MAPKAPK5: variants seen among roughly 807,000 people sequenced by gnomAD.
MAPKAPK5 encodes MAP kinase-activated protein kinase 5.
A neutral mutation model predicts 65.1 loss-of-function variants in MAPKAPK5; 30 were observed. That is an observed-to-expected ratio of 0.46 (90% CI 0.34 to 0.63). The LOEUF is 0.63. Among genes scored for constraint, MAPKAPK5 ranks in the 20% least tolerant of loss-of-function variants. MAPKAPK5 has a pLI of 0.01. For synonymous variants in MAPKAPK5, 179 were observed against 204.6 expected (o/e 0.87, Z 1.07); for missense variants, 433 against 581.4 (o/e 0.74, Z 2.63).
chr12:111,843,009 C>T (rs2068774523), intron 1 of MAPKAPK5: 1 of 402,450 alleles, frequency 2.5e-6, no homozygotes, highest in Non-Finnish European at 4.4e-6. Flanking sequence ...TCAGCTGGAA[C>T]AGAGGTGAGT....
At chr12:111,843,081 C>T in intron 1 of MAPKAPK5, 1 of 398,688 alleles carries the variant, frequency 2.5e-6, no homozygotes, top group East Asian at 3.6e-5. Flanking sequence ...ACTACTACTA[C>T]ACGTTTCGAT....
chr12:111,880,962 C>T (rs1420807022), intron 8 of MAPKAPK5, among the ~76,000 whole-genome samples: 2 of 152,138 alleles, frequency 1.3e-5, no homozygotes, highest in Non-Finnish European at 1.5e-5. Context: ...ATTTATGGCA[C>T]CATTCTTTGT....
intron 1 of MAPKAPK5, among the ~76,000 whole-genome samples, chr12:111,845,752 G>A (rs1262013400): frequency 2.0e-5 from 3 of 151,860 alleles, no homozygotes; most frequent in South Asian, 4.2e-4. Flanking sequence ...CGAGACCCCC[G>A]TCTCTACTAA....
Position 111,897,781 on chromosome 12 carries a change from G to A in MAPKAPK5, c.*4720G>A, listed in dbSNP as rs528070238. On this transcript the variant is annotated 3_prime_UTR_variant, in exon 14 of 14. Transcript: ENST00000550735. The stretch of plus-strand genomic sequence containing the variant: ...ATAGGAATAGTGAATAAATTGATCT[G>A]CTCTCATGCTGTTATCTAAGATCTT... 1 of 152,168 alleles carries A rather than the reference G, an allele frequency of 6.6e-6. No individual in the cohort carries two copies. Among genetic ancestry groups the A allele is most frequent in the East Asian group, 1.9e-4 (1 of 5,180 alleles). The allele number at this position is 152,168 out of a possible 1,614,324, so 9.4% of individuals were successfully genotyped here.
chr12:111,899,538 A>G lies in MAPKAPK5; in HGVS notation c.*6477A>G, dbSNP rs2070949000. 1 of 197,500 alleles carries G rather than the reference A, an allele frequency of 5.1e-6. No individual in the cohort carries two copies. Among genetic ancestry groups the G allele is most frequent in the African/African-American group, 2.3e-5 (1 of 43,238 alleles). The allele number at this position is 197,500 out of a possible 1,614,324, so 12.2% of individuals were successfully genotyped here. ...GAGGCTGACAGTCCAGGGAGGAGAT[A>G]GCCCAGTGGAAGGACTGTCCTACTT... On this transcript the variant is annotated 3_prime_UTR_variant, in exon 14 of 14. Coordinates refer to ENST00000550735, the MANE Select transcript of MAPKAPK5 (RefSeq NM_003668.4).
intron 1 of MAPKAPK5, among the ~76,000 whole-genome samples, chr12:111,848,699 C>G (rs56333962): frequency 0.015 from 2,337 of 151,992 alleles, 68 homozygotes; most frequent in African/African-American, 0.053. Flanking sequence ...GCATGAGCCA[C>G]TGTGCTCGGC....
chr12:111,849,554 A>T (rs2069006403), intron 1 of MAPKAPK5, among the ~76,000 whole-genome samples: 1 of 152,112 alleles, frequency 6.6e-6, no homozygotes, highest in African/African-American at 2.4e-5. Flanking sequence ...CAGCCACCGC[A>T]CCTGGCCTAG....
chr12:111,856,580 T>C (rs1200780591), intron 1 of MAPKAPK5, among the ~76,000 whole-genome samples: 1 of 151,984 alleles, frequency 6.6e-6, no homozygotes, highest in African/African-American at 2.4e-5. Flanking sequence ...CTAATTTTTG[T>C]ATTTTTAGTA....
At chr12:111,875,911 A>G (rs75946762) in intron 7 of MAPKAPK5, among the ~76,000 whole-genome samples, 14 of 152,064 alleles carry the variant, frequency 9.2e-5, no homozygotes, top group African/African-American at 2.4e-4. Flanking sequence ...TGATGGGTTC[A>G]AAAAAAGTGA....
In MAPKAPK5 at chr12:111,899,986, A is replaced by G. The variant is rs777431392; in HGVS notation, c.*6925A>G. 7 of 456,030 alleles carry G rather than the reference A, an allele frequency of 1.5e-5. No homozygotes were observed. The highest frequency in any genetic ancestry group is 1.1e-4 in the South Asian group (7 of 64,560). 28.2% of individuals were successfully genotyped at this position (456,030 alleles called of 1,614,324 possible). A position where few individuals can be genotyped will look rare whatever the true frequency, so the allele number is the denominator to read the frequency against. ...GTGGAGATGTTTGTCGTGGTCAACA[A>G]CCAGCGGTTCCAGATGTGGGGCAGT... On this transcript the variant is annotated 3_prime_UTR_variant, in exon 14 of 14. Coordinates refer to ENST00000550735, the MANE Select transcript of MAPKAPK5 (RefSeq NM_003668.4).
At chr12:111,865,426 G>C in intron 2 of MAPKAPK5, 103 bp downstream of exon 2, 1 of 779,892 alleles carries the variant, frequency 1.3e-6, no homozygotes, top group Non-Finnish European at 2.2e-6. Context: ...AGGTGTGCCA[G>C]ATTTGAGGAA....
At chr12:111,857,534 G>A (rs1029912405) in intron 1 of MAPKAPK5, among the ~76,000 whole-genome samples, 5 of 152,158 alleles carry the variant, frequency 3.3e-5, no homozygotes, top group African/African-American at 7.2e-5. Flanking sequence ...GATTACAGAC[G>A]TGAGCCACCG....
intron 7 of MAPKAPK5, among the ~76,000 whole-genome samples, chr12:111,872,506 G>A (rs1246268189): frequency 6.6e-6 from 1 of 152,144 alleles, no homozygotes; most frequent in Non-Finnish European, 1.5e-5. Context: ...CTGGACACAG[G>A]TTCTTTGCCA....
At chr12:111,884,500 C>T (rs2070340164) in intron 9 of MAPKAPK5, among the ~76,000 whole-genome samples, 2 of 152,210 alleles carry the variant, frequency 1.3e-5, no homozygotes, top group Admixed American at 6.5e-5. Flanking sequence ...CGTGAGCCAC[C>T]GCACCCAGCT....
intron 8 of MAPKAPK5, among the ~76,000 whole-genome samples, chr12:111,880,918 C>T (rs1263471522): frequency 6.6e-6 from 1 of 152,154 alleles, no homozygotes; most frequent in East Asian, 1.9e-4. Context: ...GAGGCCATTT[C>T]TGAGACACAG....
At chr12:111,860,938 C>T (rs1375941703) in intron 1 of MAPKAPK5, among the ~76,000 whole-genome samples, 4 of 151,652 alleles carry the variant, frequency 2.6e-5, no homozygotes, top group Non-Finnish European at 5.9e-5. Flanking sequence ...GCAGGCAGAT[C>T]ACTTGAGGTC....
chr12:111,886,979 T>G (rs1049434040), intron 10 of MAPKAPK5, among the ~76,000 whole-genome samples: 2 of 152,196 alleles, frequency 1.3e-5, no homozygotes, highest in Non-Finnish European at 2.9e-5. Context: ...GGGACAGTTG[T>G]GGCATATCTG....
chr12:111,901,466 G>C lies in MAPKAPK5; in HGVS notation c.*8405G>C, dbSNP rs748287091. The C allele has an allele frequency of 4.4e-6, 2 of 454,406 alleles. No homozygotes were observed. The highest frequency in any genetic ancestry group is 7.0e-5 in the East Asian group (1 of 14,366). The allele number at this position is 454,406 out of a possible 1,614,324, so 28.1% of individuals were successfully genotyped here. Reference sequence around the variant, plus strand: ...GACGTGAAGAACATGCTGTAGACATGATGATATTATCATTCATTATACTTT... The same window carrying C: ...GACGTGAAGAACATGCTGTAGACATCATGATATTATCATTCATTATACTTT... On this transcript the variant is annotated 3_prime_UTR_variant, in exon 14 of 14. Coordinates refer to ENST00000550735, the MANE Select transcript of MAPKAPK5 (RefSeq NM_003668.4).
chr12:111,867,708 A>T (rs2069658356), intron 4 of MAPKAPK5, 39 bp downstream of exon 4: 1 of 1,473,422 alleles, frequency 6.8e-7, no homozygotes, highest in African/African-American at 1.4e-5. Flanking sequence ...GCCCACATGT[A>T]GGCCAATGTG....
Sources: gnomAD v4.1 joint callset for allele counts (sites outside exome capture counted in the v4.1 genomes callset) on GRCh38, gnomAD v4.1.1 for gene constraint, MANE v1.5 for transcripts, NCBI Gene and HGNC (gene_info 2026-07-23, HGNC 2026-07-21) for gene names.